Variants in THSD7B observed in about 807,000 individuals in gnomAD.
THSD7B encodes the protein thrombospondin type 1 domain containing 7B, also known as thrombospondin type-1 domain-containing protein 7B.
In THSD7B, 138 loss-of-function variants were observed where a neutral mutation model predicts 213.6. The observed-to-expected ratio is 0.65, with a 90% CI of 0.56 to 0.74. The LOEUF (loss-of-function observed/expected upper bound fraction) is 0.74, where lower values mean the gene tolerates loss of function less well. Ranked by LOEUF, THSD7B falls within the 30% of genes least tolerant of loss-of-function variation. The pLI is 0.00. For missense variants in THSD7B, 1,931 were observed against 1,991.5 expected (o/e 0.97, Z 0.58); for synonymous variants, 742 against 687.0 (o/e 1.08, Z -1.25).
chr2:137,010,088 A>C (rs1417639512), intron 2 of THSD7B, among the ~76,000 whole-genome samples: 1 of 152,114 alleles, frequency 6.6e-6, no homozygotes, highest in Non-Finnish European at 1.5e-5. Flanking sequence ...TCTTGTAACT[A>C]TGCAGTTCTA....
At chr2:137,090,280 T>C (rs953093053) in intron 3 of THSD7B, among the ~76,000 whole-genome samples, 1 of 152,068 alleles carries the variant, frequency 6.6e-6, no homozygotes, top group South Asian at 2.1e-4. Context: ...TAGAATTGCA[T>C]AGAACAGTAG....
chr2:137,608,823 G>C (rs1416572988), intron 17 of THSD7B, among the ~76,000 whole-genome samples: 2 of 152,230 alleles, frequency 1.3e-5, no homozygotes, highest in African/African-American at 4.8e-5. Context: ...TATAGGAAGA[G>C]ACAGTCTTCA....
intron 1 of THSD7B, among the ~76,000 whole-genome samples, chr2:136,835,598 T>C (rs1424682877): frequency 6.6e-6 from 1 of 152,226 alleles, no homozygotes; most frequent in Non-Finnish European, 1.5e-5. Flanking sequence ...CTACACTCTG[T>C]GGGAAACCTT....
chr2:137,305,363 G>A (rs545382722), intron 12 of THSD7B, among the ~76,000 whole-genome samples: 1 of 152,230 alleles, frequency 6.6e-6, no homozygotes, highest in Non-Finnish European at 1.5e-5. Context: ...GCATTTGATG[G>A]TGAAACTTGG....
At chr2:137,137,435 A>G (rs1236876032) in intron 5 of THSD7B, among the ~76,000 whole-genome samples, 1 of 152,212 alleles carries the variant, frequency 6.6e-6, no homozygotes, top group Non-Finnish European at 1.5e-5. Context: ...CAAACCACAA[A>G]TGAGATGGTC....
At chr2:137,556,283 A>G (rs1429879604) in intron 15 of THSD7B, among the ~76,000 whole-genome samples, 1 of 152,234 alleles carries the variant, frequency 6.6e-6, no homozygotes, top group Non-Finnish European at 1.5e-5. Context: ...TGTTAAGGGC[A>G]GACAGAGAGA....
At chr2:137,186,266 T>G (rs1680549610) in intron 7 of THSD7B, among the ~76,000 whole-genome samples, 2 of 152,210 alleles carry the variant, frequency 1.3e-5, no homozygotes, top group South Asian at 4.1e-4. Flanking sequence ...TTGTTTTTGT[T>G]GCAATTGCTT....
intron 9 of THSD7B, among the ~76,000 whole-genome samples, chr2:137,235,891 C>A (rs549211695): frequency 3.3e-5 from 5 of 152,256 alleles, no homozygotes; most frequent in African/African-American, 1.2e-4. Context: ...GGAGACTTAA[C>A]AACCTAGTTT....
chr2:137,669,984 T>TTA (rs148613452), intron 27 of THSD7B, among the ~76,000 whole-genome samples: 5,389 of 151,678 alleles, frequency 0.036, 102 homozygotes, highest in Admixed American at 0.069. Flanking sequence ...TCTAGAGCAT[T>TTA]TATATATATA....
intron 15 of THSD7B, among the ~76,000 whole-genome samples, chr2:137,521,283 CAG>C (rs1014844514): frequency 1.4e-4 from 21 of 152,060 alleles, no homozygotes; most frequent in African/African-American, 4.8e-4. Flanking sequence ...TAAAACAAAA[CAG>C]ATATTTGTTG....
Position 137,412,609 on chromosome 2 carries a change from AAC to A in THSD7B, c.2959+739_2959+740del, listed in dbSNP as rs1357925740. ...CAAAACTCTGTCTCAAAAAAAAAAAAACAAAAAAAAACAAAAAACAGTTTTAC... is the reference window on the plus strand; with the variant it reads ...CAAAACTCTGTCTCAAAAAAAAAAAAAAAAAAAAACAAAAAACAGTTTTAC... On this transcript the variant is annotated intron_variant, in intron 14 of 27. Transcript: ENST00000409968. Among the ~76,000 whole-genome samples, 7 of 142,288 alleles carry A rather than the reference AAC, an allele frequency of 4.9e-5. 1 individual carries two copies. Among genetic ancestry groups the A allele is most frequent in the South Asian group, 2.2e-4 (1 of 4,630 alleles). The allele number at this position is 142,288 out of a possible 152,430, so 93.3% of individuals were successfully genotyped here.
intron 2 of THSD7B, among the ~76,000 whole-genome samples, chr2:136,962,855 T>A (rs1032684247): frequency 3.3e-5 from 5 of 152,210 alleles, no homozygotes; most frequent in Non-Finnish European, 7.3e-5. Context: ...TCTTTAAATT[T>A]TTTTTTGCCA....
intron 17 of THSD7B, among the ~76,000 whole-genome samples, chr2:137,607,499 C>T (rs1215356680): frequency 1.3e-5 from 2 of 152,174 alleles, no homozygotes; most frequent in Admixed American, 1.3e-4. Context: ...CAGTGCAATA[C>T]TTATAACTAG....
At chr2:137,393,160 A>AT (rs577043200) in intron 12 of THSD7B, among the ~76,000 whole-genome samples, 5,464 of 141,442 alleles carry the variant, frequency 0.039, 129 homozygotes, top group Non-Finnish European at 0.053. Context: ...TTTTTTTTTA[A>AT]TTTTTTTTTT....
intron 14 of THSD7B, among the ~76,000 whole-genome samples, chr2:137,418,981 C>T (rs1425453984): frequency 1.3e-5 from 2 of 151,656 alleles, no homozygotes; most frequent in African/African-American, 4.8e-5. Flanking sequence ...AATCTGGGCT[C>T]ACTGCAACCA....
intron 5 of THSD7B, among the ~76,000 whole-genome samples, chr2:137,142,487 CA>C (rs1409803012): frequency 6.6e-6 from 1 of 152,108 alleles, no homozygotes; most frequent in African/African-American, 2.4e-5. Flanking sequence ...GTTGAGCATT[CA>C]AACCGTAGCA....
Position 137,419,361 on chromosome 2 carries a change from G to A in THSD7B, c.2959+7489G>A, listed in dbSNP as rs1368064212. Among the ~76,000 whole-genome samples the A allele has an allele frequency of 3.7e-5, 5 of 134,894 alleles. No homozygotes were observed. In the Admixed American group the frequency reaches 4.0e-4, roughly 11 times the overall value. The allele number at this position is 134,894 out of a possible 152,430, so 88.5% of individuals were successfully genotyped here. On this transcript the variant is annotated intron_variant, in intron 14 of 27. Coordinates refer to ENST00000409968, the MANE Select transcript of THSD7B (RefSeq NM_001316349.2). ...ATTGAGCTCTCAGCCCCCACTTTTG[G>A]TGGGTCCTGAGTTCTTGTCCCACAT... is the stretch of plus-strand genomic sequence containing the variant.
chr2:137,663,409 C>G lies in THSD7B; in HGVS notation c.4485C>G (p.Gly1495=). The G allele has an allele frequency of 6.3e-7, 1 of 1,591,046 alleles. No individual in the cohort carries two copies. Among genetic ancestry groups the G allele is most frequent in the South Asian group, 1.1e-5 (1 of 87,254 alleles). Reference sequence around the variant, plus strand: ...GTGGAGTCTGTGGTTGTGAGAAGGGCTATACAGAGATAATGAAATCAAATG... The same window carrying G: ...GTGGAGTCTGTGGTTGTGAGAAGGGGTATACAGAGATAATGAAATCAAATG... ...TQGGVCGCEK[G]YTEIMKSNGF... Residue 1495 remains glycine (G), a synonymous_variant, in exon 26 of 28, where the codon GGC becomes GGG. Coordinates refer to ENST00000409968, the MANE Select transcript of THSD7B (RefSeq NM_001316349.2).
At chr2:137,354,831 GT>G (rs530995951) in intron 12 of THSD7B, among the ~76,000 whole-genome samples, 30 of 144,646 alleles carry the variant, frequency 2.1e-4, no homozygotes, top group Admixed American at 6.9e-4. Flanking sequence ...CTGAGCAGCT[GT>G]TTTTTTTTTT....
Sources: gnomAD v4.1 joint callset for allele counts (sites outside exome capture counted in the v4.1 genomes callset) on GRCh38, gnomAD v4.1.1 for gene constraint, MANE v1.5 for transcripts, NCBI Gene and HGNC (gene_info 2026-07-23, HGNC 2026-07-21) for gene names.